STK3: variants seen among roughly 807,000 people sequenced by gnomAD.
The protein encoded by STK3 is serine/threonine-protein kinase 3.
STK3 carries 41 observed loss-of-function variants against 58.0 expected under a neutral mutation model. The ratio of observed to expected loss-of-function variants is 0.71; its 90% confidence interval spans 0.55 to 0.92. The LOEUF (loss-of-function observed/expected upper bound fraction) is 0.92, where lower values mean the gene tolerates loss of function less well. Among genes scored for constraint, STK3 ranks in the 40% least tolerant of loss-of-function variants. The pLI is 0.00. For missense variants in STK3, 479 were observed against 602.7 expected, an observed-to-expected ratio of 0.79 and a Z score of 2.15; for synonymous variants, 170 against 191.0, an observed-to-expected ratio of 0.89 and a Z score of 0.91.
intron 1 of STK3, among the ~76,000 whole-genome samples, chr8:98,929,670 G>T (rs761963780): frequency 6.6e-6 from 1 of 152,076 alleles, no homozygotes; most frequent in African/African-American, 2.4e-5. Flanking sequence ...ATAAATAAAG[G>T]AATAAAGATC....
At chr8:98,544,747 C>A (rs1347813546) in intron 9 of STK3, among the ~76,000 whole-genome samples, 2 of 151,404 alleles carry the variant, frequency 1.3e-5, no homozygotes, top group Admixed American at 6.6e-5. Context: ...AACCAATATT[C>A]CAAGAGCATG....
chr8:98,858,290 G>GTATATATATATATATATATA (rs71572027), intron 3 of STK3, among the ~76,000 whole-genome samples: 2 of 34,382 alleles, frequency 5.8e-5, no homozygotes, highest in African/African-American at 1.3e-4. Flanking sequence ...ACATACATAC[G>GTATATATATATATATATATA]TATATATATA....
chr8:98,416,364 G>GTTTTTTTTTTTT (rs57447680), intron 3 of STK3, among the ~76,000 whole-genome samples: 2 of 79,532 alleles, frequency 2.5e-5, no homozygotes, highest in African/African-American at 1.0e-4. Flanking sequence ...GTTTGAAACT[G>GTTTTTTTTTTTT]TTTTTTTTTT....
chr8:98,568,948 A>C (rs1051809911), intron 8 of STK3, among the ~76,000 whole-genome samples: 1 of 152,184 alleles, frequency 6.6e-6, no homozygotes, highest in Non-Finnish European at 1.5e-5. Flanking sequence ...TTAAAAAGTC[A>C]AAAGACACTC....
At chr8:98,665,774 G>A (rs1822303093) in intron 6 of STK3, among the ~76,000 whole-genome samples, 1 of 151,000 alleles carries the variant, frequency 6.6e-6, no homozygotes, top group Non-Finnish European at 1.5e-5. Flanking sequence ...CGCGATCTCG[G>A]CTCACTGCAA....
chr8:98,472,457 T>C (rs1199786453), intron 10 of STK3, among the ~76,000 whole-genome samples: 3 of 152,182 alleles, frequency 2.0e-5, no homozygotes, highest in African/African-American at 7.2e-5. Context: ...TGAGACCTAA[T>C]ATTTTTGAAA....
chr8:98,788,237 A>G (rs1469288297), intron 1 of STK3, among the ~76,000 whole-genome samples: 1 of 152,092 alleles, frequency 6.6e-6, no homozygotes, highest in Non-Finnish European at 1.5e-5. Context: ...CAGGAGTTCG[A>G]GACCAGCCTG....
intron 1 of STK3, among the ~76,000 whole-genome samples, chr8:98,795,811 C>CG (rs1467869272): frequency 7.8e-6 from 1 of 127,744 alleles, no homozygotes; most frequent in East Asian, 2.0e-4. Context: ...CAATACAATA[C>CG]AATACAATAC....
intron 3 of STK3, among the ~76,000 whole-genome samples, chr8:98,860,867 C>A (rs1054059563): frequency 1.3e-5 from 2 of 151,988 alleles, no homozygotes; most frequent in African/African-American, 2.4e-5. Flanking sequence ...ACAGCTTGAG[C>A]AACATGGTGA....
At chr8:98,378,170 CG>C (rs1817694339) in intron 2 of STK3, among the ~76,000 whole-genome samples, 1 of 152,152 alleles carries the variant, frequency 6.6e-6, no homozygotes, top group African/African-American at 2.4e-5. Context: ...CAAGAGGTTA[CG>C]GGGGAACCGA....
At chr8:98,918,572 C>G (rs981352795) in intron 1 of STK3, among the ~76,000 whole-genome samples, 1 of 152,024 alleles carries the variant, frequency 6.6e-6, no homozygotes, top group African/African-American at 2.4e-5. Flanking sequence ...AAGTTTGAGA[C>G]CAGCCTGAGC....
intron 10 of STK3, among the ~76,000 whole-genome samples, chr8:98,458,700 T>C (rs895454170): frequency 2.6e-5 from 4 of 152,168 alleles, no homozygotes; most frequent in Non-Finnish European, 5.9e-5. Flanking sequence ...GTTCTAGTGA[T>C]AGTGAGTGAG....
At chr8:98,463,937 T>C (rs543848461) in intron 10 of STK3, among the ~76,000 whole-genome samples, 9 of 152,134 alleles carry the variant, frequency 5.9e-5, no homozygotes, top group Non-Finnish European at 1.3e-4. Flanking sequence ...ATGAAGCAAA[T>C]GGTCTTACAT....
rs142985976 is a variant in STK3 at position 98,874,403 on chromosome 8, C to G, written c.110+9244G>C. ...GAATGTTCTGCCAACTCCTTTATGTCAGACTTCTGGCCTCCAAAACTATGA... is the reference window on the plus strand; with the variant it reads ...GAATGTTCTGCCAACTCCTTTATGTGAGACTTCTGGCCTCCAAAACTATGA... On this transcript the variant is annotated intron_variant, in intron 3 of 12. Transcript: ENST00000523601. Among the ~76,000 whole-genome samples the G allele has an allele frequency of 2.1e-3, 326 of 152,224 alleles. 2 individuals are homozygous for G. The highest frequency in any genetic ancestry group is 3.2e-3 in the Admixed American group (49 of 15,274).
chr8:98,658,829 CAT>C (rs758797453), intron 6 of STK3, among the ~76,000 whole-genome samples: 9 of 152,020 alleles, frequency 5.9e-5, no homozygotes, highest in African/African-American at 1.4e-4. Context: ...AACAATTCCA[CAT>C]GTCACAGAGT....
intron 4 of STK3, among the ~76,000 whole-genome samples, chr8:98,723,513 A>C (rs1459448131): frequency 1.3e-5 from 2 of 152,158 alleles, no homozygotes; most frequent in East Asian, 3.8e-4. Context: ...TTTAAAATAC[A>C]TATACTGCCT....
At chr8:98,650,549 C>G (rs923734818) in intron 6 of STK3, among the ~76,000 whole-genome samples, 1 of 152,200 alleles carries the variant, frequency 6.6e-6, no homozygotes, top group Non-Finnish European at 1.5e-5. Context: ...TTGCCTCACT[C>G]GGGAAGCGCA....
chr8:98,743,943 A>G (rs891627572), intron 4 of STK3, among the ~76,000 whole-genome samples: 1 of 152,202 alleles, frequency 6.6e-6, no homozygotes, highest in Non-Finnish European at 1.5e-5. Context: ...CACTTCTCAA[A>G]AGAAGACATT....
intron 4 of STK3, among the ~76,000 whole-genome samples, chr8:98,720,132 C>T (rs1186282664): frequency 1.3e-5 from 2 of 152,078 alleles, no homozygotes; most frequent in South Asian, 2.1e-4. Flanking sequence ...GGTTCCTATC[C>T]CTCAATAAAA....
Sources: allele counts gnomAD v4.1 joint callset (sites outside exome capture counted in the v4.1 genomes callset), GRCh38; gene constraint gnomAD v4.1.1; transcripts MANE v1.5; gene names NCBI Gene and HGNC (gene_info 2026-07-23, HGNC 2026-07-21).